ADGRL3: variants seen among roughly 807,000 people sequenced by gnomAD.
ADGRL3 encodes the protein adhesion G protein-coupled receptor L3, also known as calcium-independent alpha-latrotoxin receptor 3.
In ADGRL3, 62 loss-of-function variants were observed where a neutral mutation model predicts 153.5. That is an observed-to-expected ratio of 0.40 (90% CI 0.33 to 0.50). The LOEUF (loss-of-function observed/expected upper bound fraction) is 0.50, where lower values mean the gene tolerates loss of function less well. Among genes scored for constraint, ADGRL3 ranks in the 20% least tolerant of loss-of-function variants. The pLI is 0.47. For missense variants in ADGRL3, 1,641 were observed against 1,859.4 expected (o/e 0.88, Z 2.16); for synonymous variants, 710 against 672.5 (o/e 1.06, Z -0.86).
chr4:61,743,827 G>C (rs1049326563), intron 8 of ADGRL3, among the ~76,000 whole-genome samples: 1 of 152,202 alleles, frequency 6.6e-6, no homozygotes, highest in African/African-American at 2.4e-5. Context: ...GAGGTACCGG[G>C]TTCATCTCAC....
chr4:61,452,512 G>A (rs2097688213), intron 2 of ADGRL3, among the ~76,000 whole-genome samples: 1 of 152,208 alleles, frequency 6.6e-6, no homozygotes, highest in African/African-American at 2.4e-5. Context: ...TTCTGAAACA[G>A]GAAGGCAAAC....
chr4:61,219,974 G>T (rs1220976785), intron 1 of ADGRL3, among the ~76,000 whole-genome samples: 1 of 152,004 alleles, frequency 6.6e-6, no homozygotes, highest in African/African-American at 2.4e-5. Flanking sequence ...CGGGCGTGGT[G>T]GCGGGCGCCT....
chr4:61,336,018 A>C (rs575572448), intron 1 of ADGRL3, among the ~76,000 whole-genome samples: 1 of 152,320 alleles, frequency 6.6e-6, no homozygotes, highest in Admixed American at 6.5e-5. Context: ...ACATGTTGAT[A>C]AAAAGAAAAT....
At chr4:61,410,367 T>G in intron 2 of ADGRL3, among the ~76,000 whole-genome samples, 1 of 152,284 alleles carries the variant, frequency 6.6e-6, no homozygotes, top group East Asian at 1.9e-4. Flanking sequence ...CCTTTTCTTT[T>G]TCTCTCTTTA....
intron 1 of ADGRL3, among the ~76,000 whole-genome samples, chr4:61,219,644 T>G (rs2148993207): frequency 6.6e-6 from 1 of 152,350 alleles, no homozygotes; most frequent in South Asian, 2.1e-4. Context: ...GTTTAAGAAC[T>G]TATGAAACAG....
chr4:61,432,655 T>TTTCTC (rs1553928415), intron 2 of ADGRL3, among the ~76,000 whole-genome samples: 1 of 58,742 alleles, frequency 1.7e-5, no homozygotes, highest in African/African-American at 6.7e-5. Flanking sequence ...TCTTTCTTTC[T>TTTCTC]TTTTTTTTTT....
In ADGRL3 at chr4:61,980,218, G is replaced by A. The variant is rs1055521108; in HGVS notation, c.3015+446G>A. Among the ~76,000 whole-genome samples the A allele has an allele frequency of 2.0e-5, 3 of 150,448 alleles. No individual in the cohort carries two copies. In the South Asian group the frequency reaches 6.3e-4, roughly 32 times the overall value. On this transcript the variant is annotated intron_variant, in intron 18 of 26. Transcript: ENST00000683033. The stretch of plus-strand genomic sequence containing the variant: ...ACTCTAGGGATTGTACATTCTCTGG[G>A]TTTGAGTATAATTTTTTCACTGCCT...
chr4:62,078,244 C>G lies in ADGRL3; in HGVS notation c.*7336C>G, dbSNP rs192004332. The G allele has an allele frequency of 6.6e-6, 1 of 151,836 alleles. No homozygotes were observed. Among genetic ancestry groups the G allele is most frequent in the East Asian group, 1.9e-4 (1 of 5,178 alleles). 9.4% of individuals were successfully genotyped at this position (151,836 alleles called of 1,614,324 possible). A position where few individuals can be genotyped will look rare whatever the true frequency, so the allele number is the denominator to read the frequency against. On this transcript the variant is annotated 3_prime_UTR_variant, in exon 27 of 27. Coordinates refer to ENST00000683033, the MANE Select transcript of ADGRL3 (RefSeq NM_001387552.1). Reference sequence around the variant, plus strand: ...CTATTGGATATTTCCCTTGTACAACCTTTACATCCTTTTTTTTTCCTTAAA... The same window carrying G: ...CTATTGGATATTTCCCTTGTACAACGTTTACATCCTTTTTTTTTCCTTAAA...
At position 61,671,686 on chromosome 4, in the gene ADGRL3, T is replaced by C. The variant is rs1338389418; in HGVS notation, c.474-5140T>C. 2.6e-5 allele frequency among the ~76,000 whole-genome samples: 4 copies of C among 152,176 alleles called. No homozygotes were observed. The East Asian group carries it at 7.7e-4, about 29-fold the overall frequency. ...TGATCTACATCATGACTGAATGAAT[T>C]CTGGGGCACTCAGATATTTCACAGA... On this transcript the variant is annotated intron_variant, in intron 5 of 26. Coordinates refer to ENST00000683033, the MANE Select transcript of ADGRL3 (RefSeq NM_001387552.1).
chr4:61,765,052 T>C (rs1323391043), intron 8 of ADGRL3, among the ~76,000 whole-genome samples: 1 of 151,794 alleles, frequency 6.6e-6, no homozygotes, highest in Non-Finnish European at 1.5e-5. Context: ...GATTAGAGAG[T>C]GCCTAAGGAG....
At chr4:61,704,901 T>C (rs1409597748) in intron 6 of ADGRL3, among the ~76,000 whole-genome samples, 3 of 152,180 alleles carry the variant, frequency 2.0e-5, no homozygotes, top group African/African-American at 7.2e-5. Flanking sequence ...TTACAGCAAT[T>C]CAGTCACATC....
intron 5 of ADGRL3, among the ~76,000 whole-genome samples, chr4:61,658,659 C>G (rs1424129733): frequency 3.9e-5 from 6 of 152,168 alleles, no homozygotes; most frequent in Admixed American, 6.5e-5. Flanking sequence ...CCTGTGCCTT[C>G]TAATCTAAGA....
intron 8 of ADGRL3, among the ~76,000 whole-genome samples, chr4:61,774,357 CA>C (rs372436258): frequency 2.8e-3 from 171 of 60,146 alleles, no homozygotes; most frequent in Non-Finnish European, 4.4e-3. Context: ...AACTCTGTCT[CA>C]AAAAAAAAAA....
intron 13 of ADGRL3, among the ~76,000 whole-genome samples, chr4:61,927,216 T>C (rs1327533237): frequency 1.3e-5 from 2 of 152,196 alleles, no homozygotes; most frequent in Non-Finnish European, 2.9e-5. Flanking sequence ...AATATTAGGT[T>C]AGCAAGGAGT....
chr4:61,912,687 C>T (rs1222070119), intron 12 of ADGRL3, 32 bp from the exon 13 acceptor site: 1 of 1,603,248 alleles, frequency 6.2e-7, no homozygotes, highest in South Asian at 1.1e-5. Flanking sequence ...TTTTTCTATT[C>T]TGTGTTTAAT....
At chr4:62,005,372 A>G (rs2099153896) in intron 21 of ADGRL3, among the ~76,000 whole-genome samples, 1 of 152,174 alleles carries the variant, frequency 6.6e-6, no homozygotes, top group Admixed American at 6.5e-5. Flanking sequence ...GGAAGCTCAC[A>G]TTTGAGAAAA....
rs1745076792 is a variant in ADGRL3, at chr4:62,070,089, T to C, written c.3833-20T>C. ...GGCTTGTTGGATATAAATGTCATAG[T>C]ATCTTGTAATCTTTTTCAGAGGGGC... On this transcript the variant is annotated intron_variant, in intron 26 of 26. Transcript: ENST00000683033. 6.3e-7 allele frequency: 1 copy of C among 1,595,170 alleles called. No individual in the cohort carries two copies. Among genetic ancestry groups the C allele is most frequent in the Admixed American group, 1.7e-5 (1 of 58,688 alleles).
chr4:61,912,783 GTTAAGTTGTTGAATGT>G (rs1210293487), intron 13 of ADGRL3, 26 bp downstream of exon 13: 4 of 1,606,638 alleles, frequency 2.5e-6, no homozygotes, highest in Non-Finnish European at 3.4e-6. Flanking sequence ...TTATAAATGT[GTTAAGTTGTTGAATGT>G]CTCTGTTGTG....
chr4:61,533,071 T>C (rs547644643), intron 4 of ADGRL3, among the ~76,000 whole-genome samples: 1 of 152,320 alleles, frequency 6.6e-6, no homozygotes, highest in South Asian at 2.1e-4. Context: ...GGGAAAAATC[T>C]ATCTGCCATA....
Sources: gnomAD v4.1 joint callset for allele counts (sites outside exome capture counted in the v4.1 genomes callset) on GRCh38, gnomAD v4.1.1 for gene constraint, MANE v1.5 for transcripts, NCBI Gene and HGNC (gene_info 2026-07-23, HGNC 2026-07-21) for gene names.